The following EYS variants were observed in gnomAD, a reference collection of about 807,000 sequenced individuals.
EYS encodes the protein EGF-like photoreceptor maintenance factor.
EYS carries 250 observed loss-of-function variants against 282.1 expected under a neutral mutation model. The observed-to-expected ratio is 0.89, with a 90% CI of 0.80 to 0.98. The LOEUF is 0.98. Ranked by LOEUF, EYS falls within the 50% of genes least tolerant of loss-of-function variation. The probability of loss-of-function intolerance (pLI) is 0.00; values close to 1 mark genes in which losing one functional copy is unlikely to be tolerated. For synonymous variants in EYS, 1,355 were observed against 1,282.9 expected, an observed-to-expected ratio of 1.06 and a Z score of -1.20; for missense variants, 4,016 against 3,709.0, an observed-to-expected ratio of 1.08 and a Z score of -2.15.
intron 35 of EYS, among the ~76,000 whole-genome samples, chr6:63,892,370 A>T (rs1457523082): frequency 6.6e-6 from 1 of 152,212 alleles, no homozygotes; most frequent in Admixed American, 6.5e-5. Context: ...TGGTACTGGT[A>T]CCAAAACACA....
chr6:64,750,271 T>C (rs117294530), intron 22 of EYS, among the ~76,000 whole-genome samples: 1 of 152,212 alleles, frequency 6.6e-6, no homozygotes, highest in East Asian at 1.9e-4. Context: ...TGTCAAATGA[T>C]AAATTCCTAG....
In EYS at chr6:64,450,893, C is replaced by G. The variant is rs144617632; in HGVS notation, c.5645-11541G>C. Among the ~76,000 whole-genome samples, 159 of 152,180 alleles carry G rather than the reference C, an allele frequency of 1.0e-3. 2 individuals carry two copies. The highest frequency in any genetic ancestry group is 3.9e-4 in the East Asian group (2 of 5,168). ...GGAAATTTATAGCACTAAACGCCCA[C>G]AAGAGAAAGCAGGAAAGATCTAAAA... On this transcript the variant is annotated intron_variant, in intron 26 of 42. Coordinates refer to ENST00000503581, the MANE Select transcript of EYS (RefSeq NM_001142800.2).
intron 8 of EYS, among the ~76,000 whole-genome samples, chr6:65,357,659 G>GA (rs1421946629): frequency 6.6e-6 from 1 of 151,870 alleles, no homozygotes. Flanking sequence ...ATACTATTAT[G>GA]AAAAAATATT....
intron 2 of EYS, among the ~76,000 whole-genome samples, chr6:65,533,406 C>G (rs1767853598): frequency 6.6e-6 from 1 of 152,074 alleles, no homozygotes; most frequent in Non-Finnish European, 1.5e-5. Context: ...ACCACAGGTA[C>G]CAAGAGGAGC....
rs898901673 is a variant in EYS, at chr6:63,762,468, A to G, written c.8064T>C (p.Cys2688=). Reference sequence around the variant, plus strand: ...TTTGAAATTCTGCCTCACCTTGTTCACAGTAGATTCCAGTGGTTCCTAGAG... The same window carrying G: ...TTTGAAATTCTGCCTCACCTTGTTCGCAGTAGATTCCAGTGGTTCCTAGAG... ...FCPLGTTGIY[C]EQALSISDPS... Residue 2688 remains cysteine (C), a synonymous_variant, in exon 41 of 43, where the codon TGT becomes TGC. Transcript: ENST00000503581. The G allele has an allele frequency of 1.9e-6, 3 of 1,549,774 alleles. No homozygotes were observed. Among genetic ancestry groups the G allele is most frequent in the Non-Finnish European group, 2.6e-6 (3 of 1,145,780 alleles).
At chr6:65,294,441 T>C (rs899706013) in intron 12 of EYS, among the ~76,000 whole-genome samples, 2 of 151,936 alleles carry the variant, frequency 1.3e-5, no homozygotes, top group African/African-American at 4.8e-5. Flanking sequence ...AGAAACATAA[T>C]AGTGTTTAAC....
chr6:64,365,446 G>T (rs924132339), intron 29 of EYS, among the ~76,000 whole-genome samples: 1 of 151,904 alleles, frequency 6.6e-6, no homozygotes, highest in Non-Finnish European at 1.5e-5. Context: ...TCACTCTTAG[G>T]TGTGCCTCTG....
At chr6:64,780,653 T>G (rs747498712) in intron 22 of EYS, among the ~76,000 whole-genome samples, 2 of 152,008 alleles carry the variant, frequency 1.3e-5, no homozygotes, top group Non-Finnish European at 2.9e-5. Context: ...GAACACATAT[T>G]CCCTAATCCA....
chr6:64,978,375 A>G (rs1368715866), intron 14 of EYS, among the ~76,000 whole-genome samples: 1 of 151,962 alleles, frequency 6.6e-6, no homozygotes, highest in Admixed American at 6.6e-5. Context: ...TGAATACTTT[A>G]AGCCCACTCT....
intron 1 of EYS, among the ~76,000 whole-genome samples, chr6:65,683,868 T>G (rs1768915859): frequency 6.6e-6 from 1 of 152,038 alleles, no homozygotes; most frequent in Non-Finnish European, 1.5e-5. Context: ...CCATGTATAA[T>G]TAAAGCCAAG....
intron 22 of EYS, among the ~76,000 whole-genome samples, chr6:64,723,961 C>T (rs1052488350): frequency 3.3e-5 from 5 of 152,194 alleles, no homozygotes; most frequent in African/African-American, 1.2e-4. Flanking sequence ...TCTCCTTAAC[C>T]ATAACCTCCT....
chr6:64,456,424 A>T (rs1775561368), intron 26 of EYS, among the ~76,000 whole-genome samples: 1 of 152,070 alleles, frequency 6.6e-6, no homozygotes. Context: ...GGTCAATTTT[A>T]GCTAGTCCTC....
chr6:64,945,276 A>G (rs1221733818), intron 15 of EYS, among the ~76,000 whole-genome samples: 1 of 152,014 alleles, frequency 6.6e-6, no homozygotes, highest in Non-Finnish European at 1.5e-5. Flanking sequence ...CCTACTCAGA[A>G]TTTCTATTTG....
intron 29 of EYS, among the ~76,000 whole-genome samples, chr6:64,348,543 T>C (rs1561944330): frequency 1.3e-5 from 2 of 151,412 alleles, no homozygotes; most frequent in Non-Finnish European, 3.0e-5. Flanking sequence ...GGTAAAGTAT[T>C]CGGAAGCCCA....
rs553070684 is a variant in EYS at position 65,079,662 on chromosome 6, C to T, written c.2024-21935G>A. Among the ~76,000 whole-genome samples, 18 of 151,920 alleles carry T rather than the reference C, an allele frequency of 1.2e-4. No homozygotes were observed. In the South Asian group the frequency reaches 2.1e-3, roughly 18 times the overall value. On this transcript the variant is annotated intron_variant, in intron 12 of 42. Coordinates refer to ENST00000503581, the MANE Select transcript of EYS (RefSeq NM_001142800.2). ...ACAAATTAGAATTGCATATGTGGCT[C>T]GCGTAATGTTTTTATTGGATAGCCT...
chr6:64,036,312 G>T (rs1406141908), intron 33 of EYS, among the ~76,000 whole-genome samples: 1 of 152,166 alleles, frequency 6.6e-6, no homozygotes, highest in Non-Finnish European at 1.5e-5. Flanking sequence ...AGCTAATGCA[G>T]GAGCTACGTC....
intron 26 of EYS, among the ~76,000 whole-genome samples, chr6:64,482,093 G>C (rs903273357): frequency 3.3e-5 from 5 of 151,706 alleles, no homozygotes; most frequent in Admixed American, 1.3e-4. Context: ...AACTCAATCA[G>C]TGACTGCTAG....
chr6:65,206,359 C>A (rs1766033568), intron 12 of EYS, among the ~76,000 whole-genome samples: 1 of 151,126 alleles, frequency 6.6e-6, no homozygotes, highest in African/African-American at 2.4e-5. Context: ...AAATCCTGAA[C>A]AGACCAATAA....
At chr6:63,945,334 A>G (rs898875491) in intron 35 of EYS, among the ~76,000 whole-genome samples, 24 of 152,130 alleles carry the variant, frequency 1.6e-4, no homozygotes, top group African/African-American at 5.8e-4. Context: ...CGAGAATAGC[A>G]TGGGGGAAAC....
Sources: allele counts gnomAD v4.1 joint callset (sites outside exome capture counted in the v4.1 genomes callset), GRCh38; gene constraint gnomAD v4.1.1; transcripts MANE v1.5; gene names NCBI Gene and HGNC (gene_info 2026-07-23, HGNC 2026-07-21).